Variants in FHIP1A observed in about 807,000 individuals in gnomAD.
FHIP1A encodes FHF complex subunit HOOK-interacting protein 1A.
Under a neutral mutation model 88.6 loss-of-function variants are expected in FHIP1A, and 61 were observed. The ratio of observed to expected loss-of-function variants is 0.69; its 90% CI spans 0.56 to 0.85. FHIP1A has a LOEUF of 0.85. Ranked by LOEUF, FHIP1A falls within the 40% of genes least tolerant of loss-of-function variation. The pLI, the probability that FHIP1A is intolerant of heterozygous loss-of-function variation, is 0.00. For missense variants in FHIP1A, 1,154 were observed against 1,273.5 expected (o/e 0.91, Z 1.43); for synonymous variants, 478 against 496.0 (o/e 0.96, Z 0.48).
At chr4:151,628,202 G>A (rs1401916657) in intron 7 of FHIP1A, among the ~76,000 whole-genome samples, 1 of 152,090 alleles carries the variant, frequency 6.6e-6, no homozygotes, top group South Asian at 2.1e-4. Context: ...GGGGATTTGC[G>A]CTATGATATG....
At chr4:151,590,068 TC>T (rs1734364883) in intron 7 of FHIP1A, among the ~76,000 whole-genome samples, 1 of 152,206 alleles carries the variant, frequency 6.6e-6, no homozygotes, top group African/African-American at 2.4e-5. Context: ...TGTATTTGTT[TC>T]TAGGTTAACT....
chr4:151,551,854 A>G (rs1171015348), intron 3 of FHIP1A, among the ~76,000 whole-genome samples: 1 of 151,984 alleles, frequency 6.6e-6, no homozygotes, highest in African/African-American at 2.4e-5. Context: ...TAAACTAAAG[A>G]GTGCACAGCA....
chr4:151,413,702 GC>G (rs1732771790), intron 1 of FHIP1A, among the ~76,000 whole-genome samples: 1 of 152,036 alleles, frequency 6.6e-6, no homozygotes, highest in African/African-American at 2.4e-5. Flanking sequence ...TGATCCGCCT[GC>G]CTCAGTCTCC....
chr4:151,652,471 A>G (rs1466768561), intron 11 of FHIP1A, among the ~76,000 whole-genome samples: 2 of 152,240 alleles, frequency 1.3e-5, no homozygotes, highest in South Asian at 2.1e-4. Flanking sequence ...AAAGCATTCC[A>G]TTTGTCTAAT....
At chr4:151,626,343 A>G (rs1400373835) in intron 7 of FHIP1A, among the ~76,000 whole-genome samples, 1 of 152,208 alleles carries the variant, frequency 6.6e-6, no homozygotes, top group Non-Finnish European at 1.5e-5. Context: ...GACAAGGGCT[A>G]TAGGAGTGTG....
intron 1 of FHIP1A, among the ~76,000 whole-genome samples, chr4:151,419,559 T>C (rs1733033947): frequency 1.2e-5 from 1 of 82,088 alleles, no homozygotes; most frequent in African/African-American, 5.1e-5. Context: ...TGCTGGTCTG[T>C]TCCTCATTCT....
intron 6 of FHIP1A, 35 bp downstream of exon 6, chr4:151,586,834 G>C: frequency 6.8e-7 from 1 of 1,469,156 alleles, no homozygotes; most frequent in South Asian, 1.3e-5. Flanking sequence ...CTTTGCTATG[G>C]CTTCATTCAG....
intron 3 of FHIP1A, among the ~76,000 whole-genome samples, chr4:151,533,415 A>AAAAC (rs10650173): frequency 0.15 from 23,172 of 150,780 alleles, 2,225 homozygotes; most frequent in African/African-American, 0.27. Flanking sequence ...GCCCTGTCTC[A>AAAAC]AAACAAACAA....
At chr4:151,634,811 C>T (rs1736287692) in intron 8 of FHIP1A, among the ~76,000 whole-genome samples, 1 of 151,790 alleles carries the variant, frequency 6.6e-6, no homozygotes, top group African/African-American at 2.4e-5. Flanking sequence ...TAGAAGAAAA[C>T]ATGGAGGAAA....
chr4:151,657,030 C>A, intron 13 of FHIP1A, 132 bp downstream of exon 13: 1 of 947,022 alleles, frequency 1.1e-6, no homozygotes, highest in Non-Finnish European at 1.5e-6. Context: ...CATTTTTATG[C>A]AACAGGGAGG....
At position 151,602,710 on chromosome 4, in the gene FHIP1A, A is replaced by G. The variant is rs573790560; in HGVS notation, c.978+13784A>G. On this transcript the variant is annotated intron_variant, in intron 7 of 13. Coordinates refer to ENST00000435205, the MANE Select transcript of FHIP1A (RefSeq NM_001109977.3). ...CATTGATATCCATAGTAAGCAGTGC[A>G]GAGGGAGTCAGATAAGGGGCTCAGG... 9.2e-4 allele frequency among the ~76,000 whole-genome samples: 140 copies of G among 152,320 alleles called. 1 individual carries two copies. The highest frequency in any genetic ancestry group is 1.5e-3 in the East Asian group (8 of 5,166).
chr4:151,447,025 C>CT (rs1290982208), intron 1 of FHIP1A, among the ~76,000 whole-genome samples: 1 of 152,102 alleles, frequency 6.6e-6, no homozygotes, highest in African/African-American at 2.4e-5. Flanking sequence ...AGTAACCATT[C>CT]TTTTTTCCAT....
intron 7 of FHIP1A, among the ~76,000 whole-genome samples, chr4:151,627,847 G>T (rs1253021956): frequency 6.6e-6 from 1 of 152,176 alleles, no homozygotes; most frequent in African/African-American, 2.4e-5. Context: ...GATCTTTGGG[G>T]CTATCATTCA....
At chr4:151,582,028 A>G (rs1234882926) in intron 5 of FHIP1A, among the ~76,000 whole-genome samples, 1 of 152,182 alleles carries the variant, frequency 6.6e-6, no homozygotes, top group African/African-American at 2.4e-5. Flanking sequence ...TTTTAAAACC[A>G]AATATTGATG....
intron 7 of FHIP1A, among the ~76,000 whole-genome samples, chr4:151,610,023 T>G (rs909943920): frequency 6.6e-6 from 1 of 152,130 alleles, no homozygotes; most frequent in Non-Finnish European, 1.5e-5. Context: ...AGTGAGTAAG[T>G]TTTTTGTGAA....
chr4:151,585,368 C>T (rs967187186), intron 5 of FHIP1A, among the ~76,000 whole-genome samples: 12 of 152,128 alleles, frequency 7.9e-5, no homozygotes, highest in Middle Eastern at 6.8e-3. Context: ...TTAGTAAAAA[C>T]GGGGTTTCGC....
intron 1 of FHIP1A, among the ~76,000 whole-genome samples, chr4:151,431,941 C>T (rs1276403747): frequency 1.3e-5 from 2 of 152,076 alleles, no homozygotes; most frequent in African/African-American, 2.4e-5. Context: ...TATGGGTAAC[C>T]AGTGACAGAG....
intron 3 of FHIP1A, among the ~76,000 whole-genome samples, chr4:151,531,733 C>T (rs907351399): frequency 7.2e-5 from 11 of 152,180 alleles, no homozygotes; most frequent in African/African-American, 2.7e-4. Flanking sequence ...GACTTGTTCA[C>T]TGTTGTCTTC....
At chr4:151,428,823 A>C (rs1283337293) in intron 1 of FHIP1A, among the ~76,000 whole-genome samples, 1 of 152,168 alleles carries the variant, frequency 6.6e-6, no homozygotes, top group Non-Finnish European at 1.5e-5. Flanking sequence ...CATACTTGGA[A>C]CACCATTCCT....
Sources: gnomAD v4.1 joint callset for allele counts (sites outside exome capture counted in the v4.1 genomes callset) on GRCh38, gnomAD v4.1.1 for gene constraint, MANE v1.5 for transcripts, NCBI Gene and HGNC (gene_info 2026-07-23, HGNC 2026-07-21) for gene names.